The following RBMS1 variants were observed in gnomAD, a reference collection of about 807,000 sequenced individuals.
The protein encoded by RBMS1 is RNA binding motif single stranded interacting protein 1.
Under a neutral mutation model 62.3 loss-of-function variants are expected in RBMS1, and 17 were observed. The ratio of observed to expected loss-of-function variants is 0.27; its 90% CI spans 0.19 to 0.41. The LOEUF is 0.41. Among genes scored for constraint, RBMS1 ranks in the 10% least tolerant of loss-of-function variants. RBMS1 has a pLI of 1.00. For missense variants in RBMS1, 334 were observed against 504.5 expected (o/e 0.66, Z 3.24); for synonymous variants, 172 against 170.0 (o/e 1.01, Z -0.09).
At chr2:160,458,664 G>A (rs1684341864) in intron 1 of RBMS1, among the ~76,000 whole-genome samples, 1 of 152,132 alleles carries the variant, frequency 6.6e-6, no homozygotes, top group African/African-American at 2.4e-5. Flanking sequence ...GGGCGTGGTG[G>A]CGCATGCCAA....
intron 6 of RBMS1, among the ~76,000 whole-genome samples, chr2:160,297,108 C>T (rs1257711914): frequency 6.6e-6 from 1 of 152,140 alleles, no homozygotes; most frequent in Non-Finnish European, 1.5e-5. Context: ...GGACCTAAGG[C>T]TCAAAGAAGA....
At chr2:160,442,976 C>T (rs1265760586) in intron 1 of RBMS1, among the ~76,000 whole-genome samples, 1 of 152,080 alleles carries the variant, frequency 6.6e-6, no homozygotes, top group Non-Finnish European at 1.5e-5. Flanking sequence ...GAGGCAGAGG[C>T]GGGTGGATCA....
intron 11 of RBMS1, 137 bp from the exon 12 acceptor site, chr2:160,277,520 A>T: frequency 3.5e-6 from 2 of 564,398 alleles, no homozygotes; most frequent in South Asian, 5.6e-5. Flanking sequence ...CTCAAAGCTT[A>T]AATAGTGCAT....
intron 7 of RBMS1, among the ~76,000 whole-genome samples, chr2:160,285,940 T>C (rs1688361978): frequency 1.3e-5 from 2 of 151,282 alleles, no homozygotes; most frequent in African/African-American, 4.9e-5. Flanking sequence ...TGAAACCCCA[T>C]CTCTAGTAAA....
chr2:160,367,459 T>A (rs1364190277), intron 1 of RBMS1, 68 bp from the exon 2 acceptor site: 10 of 1,581,792 alleles, frequency 6.3e-6, no homozygotes, highest in Non-Finnish European at 8.6e-6. Flanking sequence ...AAAATGAAGT[T>A]ACCAAGATTT....
At chr2:160,290,483 T>C (rs1447920191) in intron 6 of RBMS1, among the ~76,000 whole-genome samples, 1 of 152,184 alleles carries the variant, frequency 6.6e-6, no homozygotes, top group Non-Finnish European at 1.5e-5. Context: ...TGATTTAAGA[T>C]GTATTCCTGT....
chr2:160,491,236 T>C (rs564417566), intron 1 of RBMS1, among the ~76,000 whole-genome samples: 2 of 152,308 alleles, frequency 1.3e-5, no homozygotes, highest in South Asian at 4.1e-4. Flanking sequence ...AATTTAGACT[T>C]AATTACCAAA....
intron 1 of RBMS1, chr2:160,407,701 C>T (rs1695828705): frequency 1.0e-6 from 1 of 981,802 alleles, no homozygotes. Flanking sequence ...TCCGCGCTGA[C>T]TTCCCCTCCG....
chr2:160,360,911 G>A (rs1199745650), intron 2 of RBMS1, among the ~76,000 whole-genome samples: 2 of 152,092 alleles, frequency 1.3e-5, no homozygotes, highest in Admixed American at 6.6e-5. Context: ...AACTTACAGA[G>A]AAAATAAAAC....
intron 1 of RBMS1, among the ~76,000 whole-genome samples, chr2:160,385,404 G>A (rs541834081): frequency 1.3e-5 from 2 of 152,250 alleles, no homozygotes; most frequent in East Asian, 3.9e-4. Flanking sequence ...GAGAGAGAAA[G>A]CTAACTAAAA....
rs550005593 is a variant in RBMS1, at chr2:160,400,312, T to A, written c.76-32921A>T. Among the ~76,000 whole-genome samples, 402 of 148,288 alleles carry A rather than the reference T, an allele frequency of 2.7e-3. 2 individuals are homozygous for A. The highest frequency in any genetic ancestry group is 9.4e-3 in the African/African-American group (373 of 39,780). ...TGTATCTCGGAACTGGAAATTAAAT[T>A]AAATTAAATTTAAAAAACGAAAGAA... On this transcript the variant is annotated intron_variant, in intron 1 of 13. Coordinates refer to ENST00000348849, the MANE Select transcript of RBMS1 (RefSeq NM_016836.4).
At chr2:160,343,627 T>C (rs1275338434) in intron 2 of RBMS1, among the ~76,000 whole-genome samples, 1 of 152,176 alleles carries the variant, frequency 6.6e-6, no homozygotes, top group African/African-American at 2.4e-5. Context: ...AAAATTTAAT[T>C]ATCAACCAGA....
intron 1 of RBMS1, among the ~76,000 whole-genome samples, chr2:160,390,423 G>A (rs1694796285): frequency 6.6e-6 from 1 of 152,198 alleles, no homozygotes; most frequent in Non-Finnish European, 1.5e-5. Context: ...AAGACTGATG[G>A]CTCATGCCTG....
intron 1 of RBMS1, chr2:160,401,922 T>A (rs1046165760): frequency 1.3e-5 from 2 of 152,168 alleles, no homozygotes; most frequent in Non-Finnish European, 2.9e-5. Flanking sequence ...TTTCTTTTTT[T>A]AAAAAAATGT....
chr2:160,491,751 T>C (rs1193977728), intron 1 of RBMS1, among the ~76,000 whole-genome samples: 1 of 152,196 alleles, frequency 6.6e-6, no homozygotes. Context: ...ATCTAAAAGG[T>C]AGTGCATTGA....
chr2:160,358,048 G>C (rs898878137), intron 2 of RBMS1, among the ~76,000 whole-genome samples: 2 of 152,078 alleles, frequency 1.3e-5, no homozygotes, highest in African/African-American at 4.8e-5. Context: ...GAGAAGTAAT[G>C]ATGCAACTAA....
At chr2:160,457,953 TTTGTTGTTGTTG>T (rs60006211) in intron 1 of RBMS1, among the ~76,000 whole-genome samples, 33 of 150,446 alleles carry the variant, frequency 2.2e-4, no homozygotes, top group Admixed American at 1.9e-3. Context: ...TATTGGTTTG[TTTGTTGTTGTTG>T]TTGTTGTTGT....
intron 1 of RBMS1, among the ~76,000 whole-genome samples, chr2:160,488,208 C>A (rs372794549): frequency 2.0e-5 from 3 of 152,224 alleles, no homozygotes; most frequent in African/African-American, 7.2e-5. Flanking sequence ...CTATGGTAGA[C>A]CTCCATCGTC....
At chr2:160,439,029 T>C (rs10171721) in intron 1 of RBMS1, among the ~76,000 whole-genome samples, 102,952 of 139,800 alleles carry the variant, frequency 0.74, 37,627 homozygotes, top group Admixed American at 0.8. Context: ...GACCCCCCAA[T>C]CTCCCTCCTG....
Sources: allele counts gnomAD v4.1 joint callset (sites outside exome capture counted in the v4.1 genomes callset), GRCh38; gene constraint gnomAD v4.1.1; transcripts MANE v1.5; gene names NCBI Gene and HGNC (gene_info 2026-07-23, HGNC 2026-07-21).